STK32B: variants seen among roughly 807,000 people sequenced by gnomAD.
STK32B encodes the protein serine/threonine kinase 32B.
Under a neutral mutation model 52.6 loss-of-function variants are expected in STK32B, and 43 were observed. That is an observed-to-expected ratio of 0.82 (90% CI 0.64 to 1.05). The LOEUF is 1.05. Ranked by LOEUF, STK32B falls within the 50% of genes least tolerant of loss-of-function variation. STK32B has a pLI of 0.00. For missense variants in STK32B, 621 were observed against 534.6 expected, an observed-to-expected ratio of 1.16 and a Z score of -1.59; for synonymous variants, 238 against 204.3, an observed-to-expected ratio of 1.17 and a Z score of -1.41.
intron 3 of STK32B, among the ~76,000 whole-genome samples, chr4:5,290,251 A>G (rs1728808604): frequency 6.6e-6 from 1 of 152,176 alleles, no homozygotes; most frequent in African/African-American, 2.4e-5. Flanking sequence ...ACGTTAGTAT[A>G]CTGTAACATT....
At position 5,499,325 on chromosome 4, in the gene STK32B, C is replaced by T; in HGVS notation, c.*242C>T. ...TTCTGCATCTGCCAAAGGGGTTAAACACTTCTGCCCCACTTCAAATTACAA... is the reference window on the plus strand; with the variant it reads ...TTCTGCATCTGCCAAAGGGGTTAAATACTTCTGCCCCACTTCAAATTACAA... On this transcript the variant is annotated 3_prime_UTR_variant, in exon 12 of 12. Transcript: ENST00000282908. The T allele has an allele frequency of 2.4e-6, 1 of 416,474 alleles. No individual in the cohort carries two copies. Among genetic ancestry groups the T allele is most frequent in the Non-Finnish European group, 4.1e-6 (1 of 241,984 alleles). 25.8% of individuals were successfully genotyped at this position (416,474 alleles called of 1,614,324 possible).
At chr4:5,134,860 A>T (rs966681323) in intron 1 of STK32B, among the ~76,000 whole-genome samples, 3 of 152,226 alleles carry the variant, frequency 2.0e-5, no homozygotes, top group African/African-American at 7.2e-5. Context: ...TTTACTTTCC[A>T]TTAGAGATTG....
At chr4:5,350,178 A>G (rs1403599417) in intron 4 of STK32B, among the ~76,000 whole-genome samples, 3 of 151,616 alleles carry the variant, frequency 2.0e-5, no homozygotes, top group Non-Finnish European at 2.9e-5. Flanking sequence ...TCTAGTCAAA[A>G]TGTCAAAAGT....
chr4:5,337,863 A>C (rs769852894), intron 4 of STK32B, among the ~76,000 whole-genome samples: 21 of 152,138 alleles, frequency 1.4e-4, no homozygotes, highest in Non-Finnish European at 2.9e-4. Flanking sequence ...TCTAACCAAA[A>C]ACTCAATTAT....
At chr4:5,188,748 G>A (rs1273576250) in intron 3 of STK32B, among the ~76,000 whole-genome samples, 1 of 149,712 alleles carries the variant, frequency 6.7e-6, no homozygotes, top group Non-Finnish European at 1.5e-5. Context: ...GAAGAAAGAT[G>A]TCTCTCCATG....
chr4:5,281,581 C>T (rs1728202160), intron 3 of STK32B, among the ~76,000 whole-genome samples: 1 of 152,092 alleles, frequency 6.6e-6, no homozygotes, highest in Non-Finnish European at 1.5e-5. Context: ...GTGTTCTGTA[C>T]ATGTATCCCA....
intron 6 of STK32B, among the ~76,000 whole-genome samples, chr4:5,417,752 G>T (rs1348109060): frequency 6.6e-6 from 1 of 152,150 alleles, no homozygotes; most frequent in East Asian, 1.9e-4. Context: ...GTAACAAACT[G>T]TGTCAAAACA....
intron 5 of STK32B, among the ~76,000 whole-genome samples, chr4:5,401,309 A>G (rs977367265): frequency 1.3e-5 from 2 of 152,188 alleles, no homozygotes; most frequent in Non-Finnish European, 1.5e-5. Flanking sequence ...TTACAAACCA[A>G]TAACTGTGTA....
intron 11 of STK32B, among the ~76,000 whole-genome samples, chr4:5,495,989 G>T (rs186513986): frequency 1.6e-4 from 22 of 141,416 alleles, no homozygotes; most frequent in African/African-American, 6.1e-4. Context: ...TGCCCCTACT[G>T]GGGGGTGCCT....
At chr4:5,275,403 T>G (rs2108863087) in intron 3 of STK32B, among the ~76,000 whole-genome samples, 1 of 152,342 alleles carries the variant, frequency 6.6e-6, no homozygotes, top group East Asian at 1.9e-4. Context: ...AAACTGCCAC[T>G]AATCAATTTT....
At position 5,242,039 on chromosome 4, in the gene STK32B, A is replaced by C. The variant is rs58732732; in HGVS notation, c.260+73589A>C. The stretch of plus-strand genomic sequence containing the variant: ...GTGAACAGTGCCACAATAAACATAC[A>C]TGTGCATGTGTCTTTATGGCAGCAT... On this transcript the variant is annotated intron_variant, in intron 3 of 11. Coordinates refer to ENST00000282908, the MANE Select transcript of STK32B (RefSeq NM_018401.3). Among the ~76,000 whole-genome samples the C allele has an allele frequency of 4.0e-3, 604 of 152,074 alleles. 15 individuals carry two copies. In the East Asian group the frequency reaches 0.076, roughly 19 times the overall value.
intron 3 of STK32B, among the ~76,000 whole-genome samples, chr4:5,298,479 C>G (rs1729352658): frequency 2.0e-5 from 3 of 152,088 alleles, no homozygotes; most frequent in Non-Finnish European, 2.9e-5. Context: ...CAGAGTTGCC[C>G]TGCCCGGTGA....
intron 4 of STK32B, among the ~76,000 whole-genome samples, chr4:5,357,549 C>T (rs1734268818): frequency 6.7e-6 from 1 of 149,280 alleles, no homozygotes; most frequent in Non-Finnish European, 1.5e-5. Flanking sequence ...GGGATGTTTC[C>T]TAAGACAAAA....
rs115380251 is a variant in STK32B at position 5,430,635 on chromosome 4, T to A, written c.562+13701T>A. On this transcript the variant is annotated intron_variant, in intron 6 of 11. Coordinates refer to ENST00000282908, the MANE Select transcript of STK32B (RefSeq NM_018401.3). Reference sequence around the variant, plus strand: ...ATAATTTTTTATTAAAATCTTTGCATGATGTAAAGGAAAATGTTTATGCCT... The same window carrying A: ...ATAATTTTTTATTAAAATCTTTGCAAGATGTAAAGGAAAATGTTTATGCCT... Among the ~76,000 whole-genome samples the A allele has an allele frequency of 5.5e-3, 831 of 152,334 alleles. 10 individuals are homozygous for A. Among genetic ancestry groups the A allele is most frequent in the African/African-American group, 0.019 (792 of 41,590 alleles).
At chr4:5,046,435 C>G in the STK32B span, among the ~76,000 whole-genome samples, 1 of 152,130 alleles carries the variant, frequency 6.6e-6, no homozygotes, top group African/African-American at 2.4e-5. Context: ...ATAGGCTATA[C>G]CATTCAGGAC....
the STK32B span, among the ~76,000 whole-genome samples, chr4:5,023,104 G>A: frequency 6.6e-6 from 1 of 152,056 alleles, no homozygotes; most frequent in Non-Finnish European, 1.5e-5. Flanking sequence ...TTTGAAGATG[G>A]GAGAAGAGGC....
At chr4:5,053,217 A>G (rs1741858230) in intron 1 of STK32B, among the ~76,000 whole-genome samples, 1 of 152,176 alleles carries the variant, frequency 6.6e-6, no homozygotes, top group African/African-American at 2.4e-5. Context: ...ATGGCCCTGA[A>G]TGACCGTCCA....
At chr4:5,450,298 A>G (rs1348450261) in intron 7 of STK32B, among the ~76,000 whole-genome samples, 5 of 152,196 alleles carry the variant, frequency 3.3e-5, no homozygotes, top group Admixed American at 6.5e-5. Flanking sequence ...TCCAGAGAAC[A>G]CTATGGAAAG....
chr4:5,318,743 T>C (rs1731284720), intron 3 of STK32B, among the ~76,000 whole-genome samples: 2 of 152,156 alleles, frequency 1.3e-5, no homozygotes, highest in Non-Finnish European at 2.9e-5. Flanking sequence ...GTTCATTCTG[T>C]AGAAGGATGC....
Sources: gnomAD v4.1 joint callset for allele counts (sites outside exome capture counted in the v4.1 genomes callset) on GRCh38, gnomAD v4.1.1 for gene constraint, MANE v1.5 for transcripts, NCBI Gene and HGNC (gene_info 2026-07-23, HGNC 2026-07-21) for gene names.